The following HIVEP3 variants were observed in gnomAD, a reference collection of about 807,000 sequenced individuals.
HIVEP3 encodes HIVEP zinc finger 3.
In HIVEP3, 49 loss-of-function variants were observed where a neutral mutation model predicts 152.8. The observed-to-expected ratio is 0.32, with a 90% CI of 0.26 to 0.41. HIVEP3 has a LOEUF of 0.41. HIVEP3 is among the 10% of genes least tolerant of loss of function. HIVEP3 has a pLI of 1.00. For synonymous variants in HIVEP3, 1,269 were observed against 1,289.0 expected, an observed-to-expected ratio of 0.98 and a Z score of 0.33; for missense variants, 2,790 against 3,103.3, an observed-to-expected ratio of 0.90 and a Z score of 2.40.
intron 2 of HIVEP3, among the ~76,000 whole-genome samples, chr1:41,641,032 T>C (rs1409767): frequency 0.15 from 23,497 of 152,246 alleles, 2,471 homozygotes; most frequent in East Asian, 0.47. Flanking sequence ...AATGGTACGG[T>C]TGGCTTCCCA....
At chr1:41,863,158 G>A (rs977966119) in intron 1 of HIVEP3, among the ~76,000 whole-genome samples, 3 of 152,288 alleles carry the variant, frequency 2.0e-5, no homozygotes, top group Admixed American at 2.0e-4. Flanking sequence ...ACCCAGCATC[G>A]ACTGCTACCA....
At chr1:41,627,479 C>A (rs1240820129) in intron 3 of HIVEP3, among the ~76,000 whole-genome samples, 1 of 152,108 alleles carries the variant, frequency 6.6e-6, no homozygotes. Flanking sequence ...GGGAACGATT[C>A]CTTTACCTCC....
At chr1:41,590,252 C>A (rs1644568186) in intron 3 of HIVEP3, among the ~76,000 whole-genome samples, 1 of 152,246 alleles carries the variant, frequency 6.6e-6, no homozygotes, top group South Asian at 2.1e-4. Flanking sequence ...CAAGGCGGAG[C>A]TCTGGCTGGG....
At chr1:41,663,292 G>A (rs984939533) in intron 2 of HIVEP3, among the ~76,000 whole-genome samples, 5 of 152,244 alleles carry the variant, frequency 3.3e-5, no homozygotes, top group Non-Finnish European at 7.3e-5. Context: ...ACAGCCTCAG[G>A]AGGAGACAAT....
At chr1:41,980,247 C>G (rs1645286983) in intron 1 of HIVEP3, among the ~76,000 whole-genome samples, 1 of 152,184 alleles carries the variant, frequency 6.6e-6, no homozygotes, top group Non-Finnish European at 1.5e-5. Flanking sequence ...CACGTAAAGA[C>G]TTGTAATTGA....
intron 2 of HIVEP3, among the ~76,000 whole-genome samples, chr1:41,650,933 G>GTGT (rs1183744433): frequency 6.6e-6 from 1 of 152,176 alleles, no homozygotes; most frequent in East Asian, 1.9e-4. Context: ...GCTGGACACT[G>GTGT]AGGTCATTTC....
chr1:41,636,831 T>G (rs527401814), intron 2 of HIVEP3, among the ~76,000 whole-genome samples: 1 of 152,196 alleles, frequency 6.6e-6, no homozygotes, highest in East Asian at 1.9e-4. Flanking sequence ...TGGTGGCACA[T>G]GCCTGTAATC....
intron 1 of HIVEP3, among the ~76,000 whole-genome samples, chr1:41,850,782 C>T (rs540442593): frequency 1.5e-4 from 23 of 152,280 alleles, no homozygotes; most frequent in Non-Finnish European, 2.9e-4. Flanking sequence ...TGGAGGGTTC[C>T]TGGGAGAACT....
At chr1:41,837,290 T>G (rs1440568378) in intron 1 of HIVEP3, among the ~76,000 whole-genome samples, 1 of 152,200 alleles carries the variant, frequency 6.6e-6, no homozygotes, top group Non-Finnish European at 1.5e-5. Context: ...AGCCCCTCAG[T>G]CACCCTGTCC....
At chr1:41,906,583 G>A (rs773817888) in intron 1 of HIVEP3, among the ~76,000 whole-genome samples, 2 of 152,106 alleles carry the variant, frequency 1.3e-5, no homozygotes, top group African/African-American at 2.4e-5. Context: ...ACGGGATGAC[G>A]GGAATGTTCT....
chr1:41,673,302 G>A (rs1472966139), intron 2 of HIVEP3, among the ~76,000 whole-genome samples: 1 of 152,256 alleles, frequency 6.6e-6, no homozygotes, highest in Non-Finnish European at 1.5e-5. Flanking sequence ...GGCAGTGAGA[G>A]AATGCAAGTT....
intron 1 of HIVEP3, among the ~76,000 whole-genome samples, chr1:41,967,836 C>T (rs1347196804): frequency 6.6e-6 from 1 of 152,096 alleles, no homozygotes; most frequent in Admixed American, 6.5e-5. Context: ...CAAATAGACA[C>T]AGTAAAAATT....
intron 1 of HIVEP3, among the ~76,000 whole-genome samples, chr1:41,831,490 G>A (rs1223533671): frequency 1.3e-5 from 2 of 152,144 alleles, no homozygotes; most frequent in Non-Finnish European, 2.9e-5. Context: ...ATGCTGAAAC[G>A]GAGCTTCCCA....
chr1:42,026,708 C>A (rs183160470), intron 1 of HIVEP3, among the ~76,000 whole-genome samples: 1 of 152,152 alleles, frequency 6.6e-6, no homozygotes, highest in African/African-American at 2.4e-5. Flanking sequence ...CAGAGTACTT[C>A]CTACAAATAT....
intron 1 of HIVEP3, among the ~76,000 whole-genome samples, chr1:41,855,563 C>A (rs772494922): frequency 2.8e-4 from 43 of 151,614 alleles, no homozygotes; most frequent in Admixed American, 1.1e-3. Flanking sequence ...ACACTTCTTG[C>A]TGCACTTTTA....
intron 1 of HIVEP3, among the ~76,000 whole-genome samples, chr1:42,035,631 G>A (rs1448327553): frequency 6.6e-6 from 1 of 151,996 alleles, no homozygotes; most frequent in African/African-American, 2.4e-5. Context: ...CCCAGCTGAG[G>A]GGGCCGGCGC....
rs371351489 is a variant in HIVEP3, at chr1:41,891,118, C to T, written c.-801+27295G>A. 6.6e-5 allele frequency among the ~76,000 whole-genome samples: 10 copies of T among 152,256 alleles called. No individual in the cohort carries two copies. The East Asian group carries it at 1.7e-3, about 27-fold the overall frequency. On this transcript the variant is annotated intron_variant, in intron 1 of 8. Coordinates refer to ENST00000372583, the MANE Select transcript of HIVEP3 (RefSeq NM_024503.5). Reference sequence around the variant, plus strand: ...GCCAGAAGGACTGCCCTGCTTTAGGCCTGATCTGATCTTTTTCCAGGAAAC... The same window carrying T: ...GCCAGAAGGACTGCCCTGCTTTAGGTCTGATCTGATCTTTTTCCAGGAAAC...
In HIVEP3 at chr1:41,513,016, TG is replaced by T; in HGVS notation, c.6204del (p.Thr2069ProfsTer119). On this transcript the variant is annotated frameshift_variant, in exon 8 of 9. Coordinates refer to ENST00000372583, the MANE Select transcript of HIVEP3 (RefSeq NM_024503.5). LOFTEE classifies it high-confidence loss of function. ...TTDPGLPRYS[P>X]TRRWSPGQAE... Reference sequence around the variant, plus strand: ...GCCTGACCTGGAGACCATCTCCTGGTGGGCGAGTATCTGGGGAGGCCTGGGT... The same window carrying T: ...GCCTGACCTGGAGACCATCTCCTGGTGGCGAGTATCTGGGGAGGCCTGGGT... The T allele has an allele frequency of 6.2e-7, 1 of 1,613,384 alleles. No individual in the cohort carries two copies. The highest frequency in any genetic ancestry group is 8.5e-7 in the Non-Finnish European group (1 of 1,179,630).
intron 1 of HIVEP3, among the ~76,000 whole-genome samples, chr1:41,772,242 C>T (rs1458615452): frequency 2.0e-5 from 3 of 152,302 alleles, no homozygotes; most frequent in South Asian, 2.1e-4. Flanking sequence ...TCCCATTTGC[C>T]GTCAACACCT....
Sources: gnomAD v4.1 joint callset for allele counts (sites outside exome capture counted in the v4.1 genomes callset) on GRCh38, gnomAD v4.1.1 for gene constraint, MANE v1.5 for transcripts, NCBI Gene and HGNC (gene_info 2026-07-23, HGNC 2026-07-21) for gene names.